OXR1: variants seen among roughly 807,000 people sequenced by gnomAD.
OXR1 encodes oxidation resistance protein 1.
In OXR1, 41 loss-of-function variants were observed where a neutral mutation model predicts 104.6. The ratio of observed to expected loss-of-function variants is 0.39; its 90% CI spans 0.31 to 0.51. OXR1 has a LOEUF of 0.51. OXR1 is among the 20% of genes least tolerant of loss of function. The pLI is 0.77. For missense variants in OXR1, 955 were observed against 1,031.9 expected (o/e 0.93, Z 1.02); for synonymous variants, 348 against 348.4 (o/e 1.00, Z 0.01).
chr8:106,749,433 T>C (rs1026517061), intron 16 of OXR1, among the ~76,000 whole-genome samples: 15 of 152,026 alleles, frequency 9.9e-5, no homozygotes, highest in Middle Eastern at 3.2e-3. Context: ...AGCCTGAAGG[T>C]CAGAGGTTAT....
At chr8:106,316,783 A>C (rs1181254110) in intron 1 of OXR1, among the ~76,000 whole-genome samples, 2 of 145,006 alleles carry the variant, frequency 1.4e-5, no homozygotes, top group Non-Finnish European at 3.1e-5. Flanking sequence ...TATTGCTCGA[A>C]AGAGAGAGGG....
chr8:106,575,364 T>A (rs1286443948), intron 3 of OXR1, among the ~76,000 whole-genome samples: 1 of 152,060 alleles, frequency 6.6e-6, no homozygotes, highest in East Asian at 1.9e-4. Flanking sequence ...TTCTACTAGT[T>A]TTTTTCATAT....
chr8:106,366,126 A>C (rs544437540), intron 2 of OXR1, among the ~76,000 whole-genome samples: 77 of 152,330 alleles, frequency 5.1e-4, no homozygotes, highest in African/African-American at 1.7e-3. Flanking sequence ...TTGGGGAAAA[A>C]TATAAACATG....
intron 3 of OXR1, among the ~76,000 whole-genome samples, chr8:106,547,814 C>A (rs533585620): frequency 2.3e-4 from 35 of 152,206 alleles, no homozygotes; most frequent in African/African-American, 8.4e-4. Context: ...GATTTCCTTT[C>A]TTTTTAGGAA....
intron 1 of OXR1, among the ~76,000 whole-genome samples, chr8:106,358,879 A>ATAATTTAATTCACTAAATAATTTAGTGAG (rs1230602895): frequency 3.3e-3 from 444 of 135,364 alleles, no homozygotes; most frequent in Middle Eastern, 0.011. Context: ...AATTTAGTGA[A>ATAATTTAATTCACTAAATAATTTAGTGAG]TAATTTAATT....
At chr8:106,279,271 A>G (rs1812182717) in intron 1 of OXR1, among the ~76,000 whole-genome samples, 1 of 152,198 alleles carries the variant, frequency 6.6e-6, no homozygotes, top group Non-Finnish European at 1.5e-5. Context: ...ACAACTAAGA[A>G]GAAAAAATTA....
intron 3 of OXR1, among the ~76,000 whole-genome samples, chr8:106,555,404 A>G (rs1016288300): frequency 6.6e-6 from 1 of 152,160 alleles, no homozygotes; most frequent in African/African-American, 2.4e-5. Flanking sequence ...TTCACTCAAG[A>G]TGAGTTTTAT....
At chr8:106,740,146 T>G in intron 13 of OXR1, 197 bp from the exon 14 acceptor site, 1 of 474,998 alleles carries the variant, frequency 2.1e-6, no homozygotes, top group Admixed American at 3.9e-5. Flanking sequence ...ATTTTCCTAA[T>G]AGACAATTAA....
chr8:106,306,337 A>G (rs1300251956), intron 1 of OXR1, among the ~76,000 whole-genome samples: 2 of 152,128 alleles, frequency 1.3e-5, no homozygotes, highest in Non-Finnish European at 2.9e-5. Flanking sequence ...AGCTTCCGGT[A>G]TCCATTATAT....
intron 1 of OXR1, among the ~76,000 whole-genome samples, chr8:106,314,606 A>G (rs1159798235): frequency 1.3e-5 from 2 of 152,202 alleles, no homozygotes; most frequent in African/African-American, 4.8e-5. Context: ...AGCTTTAGGA[A>G]CATGAACTTA....
intron 11 of OXR1, among the ~76,000 whole-genome samples, chr8:106,733,337 G>A (rs541566494): frequency 6.6e-6 from 1 of 152,120 alleles, no homozygotes; most frequent in African/African-American, 2.4e-5. Flanking sequence ...CTTCATTTCT[G>A]ATATTTATTC....
At chr8:106,303,971 TA>T (rs1198604699) in intron 1 of OXR1, among the ~76,000 whole-genome samples, 2 of 152,220 alleles carry the variant, frequency 1.3e-5, no homozygotes, top group Non-Finnish European at 2.9e-5. Flanking sequence ...TAAAATGCCT[TA>T]TGTATTTCAT....
chr8:106,303,534 G>A (rs925063058), intron 1 of OXR1, among the ~76,000 whole-genome samples: 1 of 152,076 alleles, frequency 6.6e-6, no homozygotes, highest in Non-Finnish European at 1.5e-5. Flanking sequence ...TACCGAGCCC[G>A]GCCGGAACTT....
intron 15 of OXR1, among the ~76,000 whole-genome samples, chr8:106,745,525 CAGG>C (rs1277157905): frequency 3.9e-5 from 6 of 151,958 alleles, no homozygotes; most frequent in Non-Finnish European, 8.8e-5. Flanking sequence ...TCTGTAGAGT[CAGG>C]AGAAAGAAGT....
chr8:106,421,019 TG>T (rs1818883768), intron 2 of OXR1, among the ~76,000 whole-genome samples: 1 of 152,112 alleles, frequency 6.6e-6, no homozygotes, highest in African/African-American at 2.4e-5. Context: ...CCTTCCAATA[TG>T]TATGCATGTA....
At chr8:106,742,511 C>T in intron 15 of OXR1, 194 bp downstream of exon 15, 1 of 475,314 alleles carries the variant, frequency 2.1e-6, no homozygotes, top group Non-Finnish European at 3.7e-6. Context: ...GCATAAAGAA[C>T]AAAGCTGGAG....
At chr8:106,577,790 G>A (rs1238472415) in intron 3 of OXR1, among the ~76,000 whole-genome samples, 2 of 152,116 alleles carry the variant, frequency 1.3e-5, no homozygotes, top group Non-Finnish European at 2.9e-5. Context: ...CTGCCAGTAG[G>A]GGGCTCCAGA....
intron 3 of OXR1, among the ~76,000 whole-genome samples, chr8:106,615,367 T>C (rs1167931727): frequency 6.6e-6 from 1 of 151,170 alleles, no homozygotes; most frequent in African/African-American, 2.4e-5. Flanking sequence ...AGGAGGTAGA[T>C]GTTGCAGTGA....
intron 2 of OXR1, among the ~76,000 whole-genome samples, chr8:106,398,441 C>T (rs1037378194): frequency 2.0e-5 from 3 of 152,128 alleles, no homozygotes; most frequent in Non-Finnish European, 2.9e-5. Flanking sequence ...GCCCCATGCA[C>T]TCAAGGAGAA....
Sources: gnomAD v4.1 joint callset for allele counts (sites outside exome capture counted in the v4.1 genomes callset) on GRCh38, gnomAD v4.1.1 for gene constraint, MANE v1.5 for transcripts, NCBI Gene and HGNC (gene_info 2026-07-23, HGNC 2026-07-21) for gene names.